The following SLC22A4 variants were observed in gnomAD, a reference collection of about 807,000 sequenced individuals.
SLC22A4 encodes the protein solute carrier family 22 member 4, also known as ET transporter.
A neutral mutation model predicts 56.6 loss-of-function variants in SLC22A4; 39 were observed. The ratio of observed to expected loss-of-function variants is 0.69; its 90% CI spans 0.53 to 0.90. The LOEUF (loss-of-function observed/expected upper bound fraction) is 0.90. SLC22A4 is among the 40% of genes least tolerant of loss of function. SLC22A4 has a pLI of 0.00. For synonymous variants in SLC22A4, 241 were observed against 281.4 expected, an observed-to-expected ratio of 0.86 and a Z score of 1.44; for missense variants, 594 against 696.5, an observed-to-expected ratio of 0.85 and a Z score of 1.66.
intron 6 of SLC22A4, among the ~76,000 whole-genome samples, chr5:132,333,496 G>C (rs1750924569): frequency 6.6e-6 from 1 of 152,178 alleles, no homozygotes; most frequent in South Asian, 2.1e-4. Context: ...GAAACAGGTT[G>C]TATAGGTGGC....
intron 4 of SLC22A4, among the ~76,000 whole-genome samples, chr5:132,324,241 A>AAGAGAG (rs61709003): frequency 0.7 from 105,643 of 150,704 alleles, 37,470 homozygotes; most frequent in African/African-American, 0.8. Context: ...ATCAGAGAGA[A>AAGAGAG]AGAGAGAGAG....
chr5:132,311,868 T>C, intron 1 of SLC22A4: 2 of 491,854 alleles, frequency 4.1e-6, no homozygotes, highest in Non-Finnish European at 7.5e-6. Context: ...GCCATGGCCT[T>C]GGCTGGCTTC....
intron 6 of SLC22A4, among the ~76,000 whole-genome samples, chr5:132,333,830 G>C (rs1397973240): frequency 6.6e-6 from 1 of 151,890 alleles, no homozygotes; most frequent in African/African-American, 2.4e-5. Flanking sequence ...TTTTGAGATA[G>C]AGTTTCGCTC....
chr5:132,319,696 G>A (rs1444300869), intron 3 of SLC22A4, among the ~76,000 whole-genome samples: 1 of 152,138 alleles, frequency 6.6e-6, no homozygotes, highest in Non-Finnish European at 1.5e-5. Flanking sequence ...GGGTTCAAGC[G>A]ATTATCCTGT....
intron 1 of SLC22A4, among the ~76,000 whole-genome samples, chr5:132,297,806 G>A (rs1749814182): frequency 6.6e-6 from 1 of 152,032 alleles, no homozygotes; most frequent in Admixed American, 6.6e-5. Flanking sequence ...AAATTAGCCA[G>A]GCATGAGGGC....
At chr5:132,316,766 T>A (rs1303723564) in intron 3 of SLC22A4, among the ~76,000 whole-genome samples, 1 of 152,226 alleles carries the variant, frequency 6.6e-6, no homozygotes, top group East Asian at 1.9e-4. Context: ...AATTTGAAAT[T>A]TAACTACATC....
intron 9 of SLC22A4, among the ~76,000 whole-genome samples, chr5:132,342,060 T>A (rs770689728): frequency 2.6e-5 from 4 of 151,994 alleles, no homozygotes; most frequent in Non-Finnish European, 4.4e-5. Flanking sequence ...TTAGAGAAGA[T>A]CTTACTGAGC....
intron 1 of SLC22A4, among the ~76,000 whole-genome samples, chr5:132,296,767 G>C (rs1352420120): frequency 6.6e-6 from 1 of 152,230 alleles, no homozygotes; most frequent in Admixed American, 6.5e-5. Flanking sequence ...ATGGAGGCTG[G>C]ACCCATGAGT....
chr5:132,317,204 A>G (rs1750388717), intron 3 of SLC22A4, among the ~76,000 whole-genome samples: 1 of 152,234 alleles, frequency 6.6e-6, no homozygotes, highest in Non-Finnish European at 1.5e-5. Flanking sequence ...TCAGTCCATG[A>G]CAGATTTGCA....
In SLC22A4 at chr5:132,335,949, T is replaced by C. The variant is rs530272146; in HGVS notation, c.1393T>C (p.Ser465Pro). Reference protein sequence around the residue: ...LVRNMAVGVTSTASRVGSIIA... With the variant: ...LVRNMAVGVTPTASRVGSIIA... The stretch of plus-strand genomic sequence containing the variant: ...CAGGAACATGGCGGTGGGGGTCACA[T>C]CCACGGCCTCCAGAGTGGGCAGCAT... The change falls in exon 8 of 10, where the codon TCC (serine) becomes CCC (proline). Residue 465 changes from serine to proline, a missense_variant. Physicochemically the swap from Ser to Pro is moderately conservative, Grantham distance 74 (BLOSUM62 -1). Coordinates refer to ENST00000200652, the MANE Select transcript of SLC22A4 (RefSeq NM_003059.3). The C allele has an allele frequency of 6.2e-7, 1 of 1,614,156 alleles. No homozygotes were observed. The highest frequency in any genetic ancestry group is 1.7e-5 in the Admixed American group (1 of 60,008).
At chr5:132,324,775 G>A in intron 4 of SLC22A4, 1 of 343,926 alleles carries the variant, frequency 2.9e-6, no homozygotes, top group Non-Finnish European at 5.9e-6. Context: ...TGTTTAGTCT[G>A]AATTCAATCT....
intron 1 of SLC22A4, among the ~76,000 whole-genome samples, chr5:132,299,498 C>T (rs949355151): frequency 1.3e-5 from 2 of 151,956 alleles, no homozygotes; most frequent in Admixed American, 6.6e-5. Context: ...GGTGCCATCT[C>T]GGCTCACTGC....
In SLC22A4 at chr5:132,312,253, G is replaced by C. The variant is rs372380514; in HGVS notation, c.486G>C (p.Gln162His). 1 of 1,610,832 alleles carries C rather than the reference G, an allele frequency of 6.2e-7. No individual in the cohort carries two copies. The highest frequency in any genetic ancestry group is 8.5e-7 in the Non-Finnish European group (1 of 1,177,112). The change falls in exon 2 of 10, where the codon CAG (glutamine) becomes CAC (histidine). Residue 162 changes from glutamine to histidine, a missense_variant. Physicochemically the swap from Gln to His is conservative, Grantham distance 24. Coordinates refer to ENST00000200652, the MANE Select transcript of SLC22A4 (RefSeq NM_003059.3). ...GVLLGSFVSG[Q>H]LSDRFGRKNV... ...TCCTCGGCTCCTTCGTGTCCGGGCA[G>C]CTGTCAGACAGGTAAGCACATGGGA...
chr5:132,306,673 T>G (rs1234855053), intron 1 of SLC22A4, among the ~76,000 whole-genome samples: 1 of 151,704 alleles, frequency 6.6e-6, no homozygotes, highest in African/African-American at 2.4e-5. Flanking sequence ...CTTGAACTCC[T>G]GACCTCAGGT....
At chr5:132,312,061 G>C (rs1750195064) in intron 1 of SLC22A4, 100 bp from the exon 2 acceptor site, 3 of 802,676 alleles carry the variant, frequency 3.7e-6, no homozygotes, top group South Asian at 2.7e-5. Context: ...CAGGGGAGGA[G>C]AGTCTGCCCG....
At chr5:132,295,656 AC>A in intron 1 of SLC22A4, 1 of 215,066 alleles carries the variant, frequency 4.6e-6, no homozygotes, top group South Asian at 6.3e-5. Flanking sequence ...GCCCCTCAGC[AC>A]CCTGCGTGGT....
At chr5:132,328,946 A>C (rs1750776262) in intron 5 of SLC22A4, among the ~76,000 whole-genome samples, 1 of 143,102 alleles carries the variant, frequency 7.0e-6, no homozygotes, top group Non-Finnish European at 1.5e-5. Context: ...CACACACTTT[A>C]AAAAAATTTT....
At chr5:132,321,645 T>C (rs1283509741) in intron 3 of SLC22A4, among the ~76,000 whole-genome samples, 1 of 152,162 alleles carries the variant, frequency 6.6e-6, no homozygotes, top group Non-Finnish European at 1.5e-5. Flanking sequence ...CGGTGGCTCA[T>C]GACTGTAATC....
intron 1 of SLC22A4, among the ~76,000 whole-genome samples, chr5:132,308,372 A>ATTTTTTTTTTTTT (rs56259514): frequency 1.6e-5 from 1 of 61,300 alleles, no homozygotes; most frequent in African/African-American, 7.5e-5. Context: ...TGATTAAGCA[A>ATTTTTTTTTTTTT]TTTTTTTTTT....
Sources: gnomAD v4.1 joint callset for allele counts (sites outside exome capture counted in the v4.1 genomes callset) on GRCh38, gnomAD v4.1.1 for gene constraint, MANE v1.5 for transcripts, NCBI Gene and HGNC (gene_info 2026-07-23, HGNC 2026-07-21) for gene names.